The following KCNJ10 variants were observed in gnomAD, a reference collection of about 807,000 sequenced individuals.
The protein encoded by KCNJ10 is ATP-sensitive inward rectifier potassium channel 10.
A neutral mutation model predicts 22.2 loss-of-function variants in KCNJ10; 9 were observed. That is an observed-to-expected ratio of 0.40 (90% CI 0.24 to 0.71). The LOEUF (loss-of-function observed/expected upper bound fraction) is 0.71. KCNJ10 is among the 30% of genes least tolerant of loss of function. The pLI is 0.35. For missense variants in KCNJ10, 337 were observed against 482.7 expected (o/e 0.70, Z 2.83); for synonymous variants, 184 against 187.3 (o/e 0.98, Z 0.15).
At chr1:160,045,680 A>G (rs1385525714) in intron 1 of KCNJ10, among the ~76,000 whole-genome samples, 1 of 152,164 alleles carries the variant, frequency 6.6e-6, no homozygotes, top group African/African-American at 2.4e-5. Context: ...TTCATCCCAC[A>G]CCTGCAGTAT....
chr1:160,050,300 A>AT (rs57990965), intron 1 of KCNJ10, among the ~76,000 whole-genome samples: 68,888 of 146,844 alleles, frequency 0.47, 16,357 homozygotes, highest in East Asian at 0.66. Context: ...CACCCAGCTA[A>AT]TTTTTTTTTT....
intron 1 of KCNJ10, among the ~76,000 whole-genome samples, chr1:160,045,221 T>C (rs1016635404): frequency 6.6e-6 from 1 of 152,218 alleles, no homozygotes; most frequent in African/African-American, 2.4e-5. Flanking sequence ...GGGACCATGA[T>C]AGCCTGGAAT....
chr1:160,049,675 T>TTTTATATATATA (rs1553235648), intron 1 of KCNJ10, among the ~76,000 whole-genome samples: 16 of 47,110 alleles, frequency 3.4e-4, no homozygotes, highest in East Asian at 8.2e-4. Flanking sequence ...TTTTATTTAT[T>TTTTATATATATA]TATATATATA....
At chr1:160,062,645 G>T (rs1649230457) in intron 1 of KCNJ10, 1 of 152,254 alleles carries the variant, frequency 6.6e-6, no homozygotes, top group Admixed American at 6.5e-5. Flanking sequence ...GAGTGGAGCG[G>T]GAGGGGCTGC....
Position 160,048,693 on chromosome 1 carries a change from A to G in KCNJ10, c.1-6161T>C, listed in dbSNP as rs566465231. Among the ~76,000 whole-genome samples, 10 of 152,370 alleles carry G rather than the reference A, an allele frequency of 6.6e-5. 1 individual carries two copies. The South Asian group carries it at 2.1e-3, about 32-fold the overall frequency. The stretch of plus-strand genomic sequence containing the variant: ...GCTGCTCTATTTTGGTTCCTAAAAT[A>G]GTTAAAGGGACCATCATCCTACCCA... On this transcript the variant is annotated intron_variant, in intron 1 of 1. Transcript: ENST00000644903.
chr1:160,064,667 AC>A (rs1461915339), intron 1 of KCNJ10: 3 of 152,202 alleles, frequency 2.0e-5, no homozygotes, highest in Non-Finnish European at 4.4e-5. Flanking sequence ...AAGTTTAAAA[AC>A]CAGTGCTCTA....
rs184816558 is a variant in KCNJ10 at position 160,040,962 on chromosome 1, G to C, written c.*431C>G. On this transcript the variant is annotated 3_prime_UTR_variant, in exon 2 of 2. Transcript: ENST00000644903. ...CAGACCACAAAGTGACCATCAGAGA[G>C]AGTCTTGCCTTTGGGAACTTGCTAG... 1.6e-5 allele frequency: 5 copies of C among 313,918 alleles called. No homozygotes were observed. Among genetic ancestry groups the C allele is most frequent in the Admixed American group, 1.3e-4 (3 of 22,726 alleles). 19.4% of individuals were successfully genotyped at this position (313,918 alleles called of 1,614,324 possible).
chr1:160,039,681 G>A lies in KCNJ10; in HGVS notation c.*1712C>T, dbSNP rs1040776576. ...TATAACAAGACCTTGTGCAATTATA[G>A]TTGGTGGTGATCATGGGTCTAGCCT... On this transcript the variant is annotated 3_prime_UTR_variant, in exon 2 of 2. Transcript: ENST00000644903. 6.6e-6 allele frequency: 1 copy of A among 152,268 alleles called. No homozygotes were observed. Among genetic ancestry groups the A allele is most frequent in the Non-Finnish European group, 1.5e-5 (1 of 68,078 alleles). The allele number at this position is 152,268 out of a possible 1,614,324, so 9.4% of individuals were successfully genotyped here. A position where few individuals can be genotyped will look rare whatever the true frequency, so the allele number is the denominator to read the frequency against.
At position 160,041,715 on chromosome 1, in the gene KCNJ10, C is replaced by A. The variant is rs1203659712; in HGVS notation, c.818G>T (p.Gly273Val). 1 of 1,614,122 alleles carries A rather than the reference C, an allele frequency of 6.2e-7. No homozygotes were observed. Among genetic ancestry groups the A allele is most frequent in the Non-Finnish European group, 8.5e-7 (1 of 1,179,994 alleles). The change falls in exon 2 of 2, where the codon GGT becomes GTT. Residue 273 changes from glycine to valine, a missense_variant. Around this residue, in one of 3 missense-constraint regions of KCNJ10, gnomAD observed 165 missense variants for 281.5 expected, o/e 0.59. Coordinates refer to ENST00000644903, the MANE Select transcript of KCNJ10 (RefSeq NM_002241.5). This position sits in a 1 kb window ranked among gnomAD's most constrained non-coding sequence, Gnocchi z 4.4. ...CAGCACCAGCTCAAAGTCACCCTCACCACTGCGAAGAGGGAGATCTTTCAA... is the reference window on the plus strand; with the variant it reads ...CAGCACCAGCTCAAAGTCACCCTCAACACTGCGAAGAGGGAGATCTTTCAA... ...SPLKDLPLRS[G>V]EGDFELVLIL...
At chr1:160,047,627 A>G (rs1648778698) in intron 1 of KCNJ10, among the ~76,000 whole-genome samples, 1 of 151,918 alleles carries the variant, frequency 6.6e-6, no homozygotes, top group Admixed American at 6.6e-5. Flanking sequence ...ACTCCCTTTG[A>G]CGCCTTCCCT....
At chr1:160,059,411 T>C (rs1649129014) in intron 1 of KCNJ10, among the ~76,000 whole-genome samples, 1 of 152,096 alleles carries the variant, frequency 6.6e-6, no homozygotes, top group African/African-American at 2.4e-5. Flanking sequence ...ACAACCCTGG[T>C]CTTCTTCTTC....
chr1:160,049,680 TATA>T lies in KCNJ10; in HGVS notation c.1-7151_1-7149del, dbSNP rs1648840351. The stretch of plus-strand genomic sequence containing the variant: ...GGATCCAGCATTTTATTTATTTATA[TATA>T]TATATATATATATATATATATATAT... On this transcript the variant is annotated intron_variant, in intron 1 of 1. Transcript: ENST00000644903. 4.4e-3 allele frequency among the ~76,000 whole-genome samples: 316 copies of T among 71,348 alleles called. 1 individual carries two copies. The highest frequency in any genetic ancestry group is 0.019 in the East Asian group (44 of 2,276). 46.8% of individuals were successfully genotyped at this position (71,348 alleles called of 152,430 possible). A position where few individuals can be genotyped will look rare whatever the true frequency, so the allele number is the denominator to read the frequency against.
chr1:160,058,877 C>T, intron 1 of KCNJ10, among the ~76,000 whole-genome samples: 1 of 152,180 alleles, frequency 6.6e-6, no homozygotes, highest in East Asian at 1.9e-4. Context: ...TCTTCCTTTC[C>T]CACTTTGCTT....
In KCNJ10 at chr1:160,039,596, A is replaced by T. The variant is rs1307925994; in HGVS notation, c.*1797T>A. On this transcript the variant is annotated 3_prime_UTR_variant, in exon 2 of 2. Coordinates refer to ENST00000644903, the MANE Select transcript of KCNJ10 (RefSeq NM_002241.5). ...AAGGTAATGGTGGGGTTTACTGTAG[A>T]TGGACACCGAAGGGTCTTTGTTTTC... The T allele has an allele frequency of 6.6e-6, 1 of 152,142 alleles. No homozygotes were observed. Among genetic ancestry groups the T allele is most frequent in the Non-Finnish European group, 1.5e-5 (1 of 68,012 alleles). The allele number at this position is 152,142 out of a possible 1,614,324, so 9.4% of individuals were successfully genotyped here. A position where few individuals can be genotyped will look rare whatever the true frequency, so the allele number is the denominator to read the frequency against.
Position 160,041,606 on chromosome 1 carries a change from G to C in KCNJ10, c.927C>G (p.Tyr309Ter). 6.2e-7 allele frequency: 1 copy of C among 1,614,152 alleles called. No homozygotes were observed. The highest frequency in any genetic ancestry group is 8.5e-7 in the Non-Finnish European group (1 of 1,180,012). ...SYLPEEILWGYEFTPAISLSA... is the reference protein window; with the variant it reads ...SYLPEEILWG ...ACAGTGAGATGGCAGGTGTGAACTC[G>C]TAGCCCCAAAGGATCTCCTCTGGCA... The change falls in exon 2 of 2, where the codon TAC becomes TAG. Residue 309 changes from tyrosine (Y) to a stop codon, truncating the protein, a stop_gained. Transcript: ENST00000644903. LOFTEE classifies it high-confidence loss of function. The surrounding 1 kb of genome is among the most constrained non-coding windows in gnomAD (Gnocchi z 4.4).
intron 1 of KCNJ10, 99 bp from the exon 2 acceptor site, chr1:160,042,631 G>GTTAAT: frequency 9.4e-7 from 1 of 1,060,940 alleles, no homozygotes; most frequent in Non-Finnish European, 1.4e-6. Flanking sequence ...TCATTTGAAT[G>GTTAAT]TCGCTTATGT....
chr1:160,058,068 G>T (rs2101932688), intron 1 of KCNJ10, among the ~76,000 whole-genome samples: 1 of 152,302 alleles, frequency 6.6e-6, no homozygotes, highest in Admixed American at 6.5e-5. Context: ...TTTCTGGACT[G>T]CTTCTTAATC....
rs1054377761 is a variant in KCNJ10, at chr1:160,039,642, C to T, written c.*1751G>A. The T allele has an allele frequency of 6.6e-6, 1 of 152,038 alleles. No individual in the cohort carries two copies. Among genetic ancestry groups the T allele is most frequent in the Non-Finnish European group, 1.5e-5 (1 of 68,018 alleles). 9.4% of individuals were successfully genotyped at this position (152,038 alleles called of 1,614,324 possible). ...TTTTCAAGATATAGTTAGTTGAGTT[C>T]GAGGAGAGATCAATATAACAAGACC... is the stretch of plus-strand genomic sequence containing the variant. On this transcript the variant is annotated 3_prime_UTR_variant, in exon 2 of 2. Coordinates refer to ENST00000644903, the MANE Select transcript of KCNJ10 (RefSeq NM_002241.5).
intron 1 of KCNJ10, among the ~76,000 whole-genome samples, chr1:160,052,002 T>A (rs1648916028): frequency 6.6e-6 from 1 of 152,178 alleles, no homozygotes; most frequent in Non-Finnish European, 1.5e-5. Flanking sequence ...ATCCATCTAA[T>A]CATAACTCTC....
Sources: gnomAD v4.1 joint callset for allele counts (sites outside exome capture counted in the v4.1 genomes callset) on GRCh38, gnomAD v4.1.1 for gene constraint, gnomAD v4.1.1 regional missense constraint, Gnocchi (gnomAD v3.1) non-coding constraint, MANE v1.5 for transcripts, NCBI Gene and HGNC (gene_info 2026-07-23, HGNC 2026-07-21) for gene names.